The following SEMA6D variants were observed in gnomAD, a reference collection of about 807,000 sequenced individuals.
SEMA6D encodes the protein semaphorin-6D.
A neutral mutation model predicts 106.6 loss-of-function variants in SEMA6D; 35 were observed. The ratio of observed to expected loss-of-function variants is 0.33; its 90% confidence interval spans 0.25 to 0.44. SEMA6D has a LOEUF of 0.44. SEMA6D is among the 20% of genes least tolerant of loss of function. The probability of loss-of-function intolerance (pLI) is 1.00; values close to 1 mark genes in which losing one functional copy is unlikely to be tolerated. For missense variants in SEMA6D, 1,185 were observed against 1,345.9 expected (o/e 0.88, Z 1.87); for synonymous variants, 499 against 487.7 (o/e 1.02, Z -0.31).
At chr15:47,723,380 C>T (rs1475911725) in intron 1 of SEMA6D, among the ~76,000 whole-genome samples, 1 of 152,168 alleles carries the variant, frequency 6.6e-6, no homozygotes, top group African/African-American at 2.4e-5. Context: ...ATTCATCACT[C>T]TCCACCAAAA....
intron 2 of SEMA6D, among the ~76,000 whole-genome samples, chr15:47,417,606 A>G (rs1051636004): frequency 4.6e-5 from 7 of 152,106 alleles, no homozygotes; most frequent in Admixed American, 2.0e-4. Context: ...CAGGATTTGT[A>G]TTAATTCTTA....
At chr15:47,532,705 A>C (rs2045013232) in intron 3 of SEMA6D, among the ~76,000 whole-genome samples, 2 of 152,204 alleles carry the variant, frequency 1.3e-5, no homozygotes, top group South Asian at 4.1e-4. Flanking sequence ...TGGCTGGTAA[A>C]GATCCTGTGG....
At chr15:47,651,960 C>T (rs544722336) in intron 4 of SEMA6D, among the ~76,000 whole-genome samples, 1 of 152,276 alleles carries the variant, frequency 6.6e-6, no homozygotes, top group East Asian at 1.9e-4. Flanking sequence ...GTCTACGTGT[C>T]CTTCAAAAAT....
intron 17 of SEMA6D, 168 bp downstream of exon 17, chr15:47,767,261 C>G: frequency 1.9e-6 from 1 of 513,524 alleles, no homozygotes; most frequent in Non-Finnish European, 3.5e-6. Flanking sequence ...GAGCACTTCA[C>G]CCTTGTTTAT....
intron 1 of SEMA6D, among the ~76,000 whole-genome samples, chr15:47,196,025 A>T (rs1176232101): frequency 2.7e-5 from 4 of 147,146 alleles, no homozygotes; most frequent in Admixed American, 6.8e-5. Flanking sequence ...AAAGTTTCAG[A>T]TTTTTTTTTT....
intron 1 of SEMA6D, among the ~76,000 whole-genome samples, chr15:47,735,670 G>T (rs1369199590): frequency 1.3e-5 from 2 of 152,142 alleles, no homozygotes; most frequent in Non-Finnish European, 2.9e-5. Flanking sequence ...AAGATCACAA[G>T]AGAATGTGAT....
intron 3 of SEMA6D, among the ~76,000 whole-genome samples, chr15:47,565,589 C>T (rs1034704142): frequency 6.6e-6 from 1 of 152,164 alleles, no homozygotes; most frequent in Non-Finnish European, 1.5e-5. Context: ...AAAATCTGTA[C>T]AATTCTGAAT....
intron 3 of SEMA6D, among the ~76,000 whole-genome samples, chr15:47,546,960 C>T (rs1009599992): frequency 1.3e-5 from 2 of 152,020 alleles, no homozygotes; most frequent in African/African-American, 4.8e-5. Context: ...GACATCCTAG[C>T]AGACAGAAAT....
chr15:47,268,791 G>C (rs2034434838), intron 1 of SEMA6D, among the ~76,000 whole-genome samples: 1 of 152,112 alleles, frequency 6.6e-6, no homozygotes, highest in Non-Finnish European at 1.5e-5. Flanking sequence ...TTGGGGCCAG[G>C]AGTAATTTTA....
chr15:47,359,036 A>G (rs1011453703), intron 1 of SEMA6D, among the ~76,000 whole-genome samples: 1 of 151,926 alleles, frequency 6.6e-6, no homozygotes, highest in African/African-American at 2.4e-5. Flanking sequence ...TCTTTTATGA[A>G]GTTGATCATG....
At chr15:47,402,042 C>T (rs2040417702) in intron 1 of SEMA6D, among the ~76,000 whole-genome samples, 2 of 152,118 alleles carry the variant, frequency 1.3e-5, no homozygotes, top group Admixed American at 1.3e-4. Flanking sequence ...AGATTACTTC[C>T]TGAAGGAGCA....
At chr15:47,680,168 AT>A (rs1870575404) in intron 4 of SEMA6D, among the ~76,000 whole-genome samples, 2 of 151,842 alleles carry the variant, frequency 1.3e-5, no homozygotes, top group Admixed American at 1.3e-4. Flanking sequence ...AATGACAAAA[AT>A]TTTCCTTTGT....
Position 47,659,228 on chromosome 15 carries a change from A to G in SEMA6D, c.-55+58332A>G, listed in dbSNP as rs576604406. Among the ~76,000 whole-genome samples the G allele has an allele frequency of 4.2e-3, 634 of 152,092 alleles. 3 individuals are homozygous for G. The highest frequency in any genetic ancestry group is 7.0e-3 in the Middle Eastern group (2 of 284). ...TAAAAATGTATTTCTACATTAAACA[A>G]TTTGATTTTAGCACATTATATACAA... On this transcript the variant is annotated intron_variant, in intron 4 of 19. Transcript: ENST00000558014.
At chr15:47,664,440 TAA>T (rs1053343945) in intron 4 of SEMA6D, among the ~76,000 whole-genome samples, 1 of 150,672 alleles carries the variant, frequency 6.6e-6, no homozygotes, top group African/African-American at 2.5e-5. Flanking sequence ...GACAATAAAA[TAA>T]TTATTTAGAC....
chr15:47,705,922 C>T (rs1258817405), intron 4 of SEMA6D, among the ~76,000 whole-genome samples: 1 of 152,230 alleles, frequency 6.6e-6, no homozygotes. Context: ...TGCTTCTTCT[C>T]CAGAATGAAG....
At chr15:47,695,033 A>G (rs966906530) in intron 4 of SEMA6D, among the ~76,000 whole-genome samples, 6 of 152,298 alleles carry the variant, frequency 3.9e-5, no homozygotes, top group East Asian at 3.9e-4. Flanking sequence ...GAACAGCAAC[A>G]CTGTGCCTGG....
At chr15:47,609,029 T>C (rs1471502988) in intron 4 of SEMA6D, among the ~76,000 whole-genome samples, 1 of 152,232 alleles carries the variant, frequency 6.6e-6, no homozygotes. Context: ...AATGTGTTCT[T>C]CCTATATTCA....
chr15:47,756,506 C>A (rs1325625276), intron 1 of SEMA6D, among the ~76,000 whole-genome samples: 4 of 152,196 alleles, frequency 2.6e-5, no homozygotes, highest in African/African-American at 4.8e-5. Context: ...GATAATTATT[C>A]CCATTTTACA....
chr15:47,511,926 T>G (rs907185122), intron 3 of SEMA6D, among the ~76,000 whole-genome samples: 1 of 152,200 alleles, frequency 6.6e-6, no homozygotes, highest in African/African-American at 2.4e-5. Flanking sequence ...GAAAGCAGCT[T>G]GCCTGACCTC....
Sources: gnomAD v4.1 joint callset for allele counts (sites outside exome capture counted in the v4.1 genomes callset) on GRCh38, gnomAD v4.1.1 for gene constraint, MANE v1.5 for transcripts, NCBI Gene and HGNC (gene_info 2026-07-23, HGNC 2026-07-21) for gene names.